CNTN4: variants seen among roughly 807,000 people sequenced by gnomAD.
CNTN4 encodes the protein contactin 4, also known as contactin-4.
In CNTN4, 77 loss-of-function variants were observed where a neutral mutation model predicts 122.5. The ratio of observed to expected loss-of-function variants is 0.63; its 90% CI spans 0.52 to 0.76. The LOEUF is 0.76. Among genes scored for constraint, CNTN4 ranks in the 30% least tolerant of loss-of-function variants. The probability of loss-of-function intolerance (pLI) is 0.00; values close to 1 mark genes in which losing one functional copy is unlikely to be tolerated. For missense variants in CNTN4, 1,256 were observed against 1,259.1 expected, an observed-to-expected ratio of 1.00 and a Z score of 0.04; for synonymous variants, 512 against 447.0, an observed-to-expected ratio of 1.15 and a Z score of -1.83.
rs768917769 is a variant in CNTN4, at chr3:2,571,512, G to T, written c.9G>T (p.Leu3Phe). 4 of 1,613,302 alleles carry T rather than the reference G, an allele frequency of 2.5e-6. No individual in the cohort carries two copies. The highest frequency in any genetic ancestry group is 3.4e-6 in the Non-Finnish European group (4 of 1,179,332). ...GACCTCGGAAACTGAAGATGAGGTT[G>T]CCATGGGAACTGCTGGTACTGCAAT... MRLPWELLVLQSF... is the reference protein window; with the variant it reads MRFPWELLVLQSF... Residue 3 changes from leucine to phenylalanine, a missense_variant, in exon 4 of 25, where the codon TTG becomes TTT. Leu to Phe is a conservative substitution (Grantham distance 22). Transcript: ENST00000418658.
chr3:2,842,723 C>T (rs2093385324), intron 7 of CNTN4, among the ~76,000 whole-genome samples: 1 of 152,212 alleles, frequency 6.6e-6, no homozygotes, highest in Non-Finnish European at 1.5e-5. Context: ...CAGTATTTGA[C>T]CTATCAGCAG....
At chr3:3,002,990 G>A (rs1020668533) in intron 14 of CNTN4, among the ~76,000 whole-genome samples, 3 of 152,140 alleles carry the variant, frequency 2.0e-5, no homozygotes, top group Non-Finnish European at 2.9e-5. Flanking sequence ...CATTGGACTC[G>A]GTTTGCCTCG....
Position 2,184,911 on chromosome 3 carries a change from C to T in CNTN4, c.-145+84272C>T, listed in dbSNP as rs575153825. 5.3e-4 allele frequency among the ~76,000 whole-genome samples: 81 copies of T among 152,138 alleles called. 1 individual carries two copies. The highest frequency in any genetic ancestry group is 1.3e-4 in the Non-Finnish European group (9 of 68,022). On this transcript the variant is annotated intron_variant, in intron 2 of 24. Coordinates refer to ENST00000418658, the MANE Select transcript of CNTN4 (RefSeq NM_175607.3). The stretch of plus-strand genomic sequence containing the variant: ...ATGGACAAAGATACTGGCCCTTCTG[C>T]AAAAATTCAGGTCCTCAAAATCTTT...
intron 2 of CNTN4, among the ~76,000 whole-genome samples, chr3:2,329,372 A>G (rs1323417613): frequency 1.3e-5 from 2 of 152,200 alleles, no homozygotes; most frequent in African/African-American, 2.4e-5. Context: ...CCTCCAGACC[A>G]TGTTTCCTTC....
intron 2 of CNTN4, among the ~76,000 whole-genome samples, chr3:2,159,278 C>A (rs958414402): frequency 1.3e-5 from 2 of 152,144 alleles, no homozygotes; most frequent in African/African-American, 4.8e-5. Context: ...TAATAAGCCC[C>A]AACATATCCC....
At chr3:2,793,282 T>G (rs1476414156) in intron 6 of CNTN4, among the ~76,000 whole-genome samples, 1 of 152,084 alleles carries the variant, frequency 6.6e-6, no homozygotes, top group Non-Finnish European at 1.5e-5. Context: ...AATCACCTTA[T>G]CTATTCATAA....
intron 5 of CNTN4, 72 bp from the exon 6 acceptor site, chr3:2,745,450 A>T: frequency 8.3e-7 from 1 of 1,211,858 alleles, no homozygotes; most frequent in Non-Finnish European, 1.2e-6. Flanking sequence ...TATAGTTTTT[A>T]TATATTTTAG....
At chr3:2,976,301 C>G (rs531802130) in intron 13 of CNTN4, among the ~76,000 whole-genome samples, 101 of 152,276 alleles carry the variant, frequency 6.6e-4, no homozygotes, top group Admixed American at 1.2e-3. Flanking sequence ...AAACCTGAAT[C>G]AAACCAGGTT....
chr3:2,958,755 C>T (rs911019910), intron 13 of CNTN4, among the ~76,000 whole-genome samples: 1 of 152,190 alleles, frequency 6.6e-6, no homozygotes, highest in African/African-American at 2.4e-5. Flanking sequence ...GAGGTTCTTA[C>T]GTAATAAGTA....
intron 3 of CNTN4, among the ~76,000 whole-genome samples, chr3:2,396,504 A>G (rs2046645878): frequency 6.6e-6 from 1 of 152,102 alleles, no homozygotes; most frequent in Non-Finnish European, 1.5e-5. Context: ...CACATTTTGT[A>G]CTTTGCTCTG....
intron 7 of CNTN4, among the ~76,000 whole-genome samples, chr3:2,842,540 T>C (rs1001764919): frequency 9.2e-5 from 14 of 152,182 alleles, no homozygotes; most frequent in African/African-American, 3.4e-4. Context: ...CTCCCACTGC[T>C]CAATTTCTAT....
chr3:2,148,703 G>A (rs547657783), intron 2 of CNTN4, among the ~76,000 whole-genome samples: 1 of 152,118 alleles, frequency 6.6e-6, no homozygotes, highest in Admixed American at 6.5e-5. Flanking sequence ...ATCAGATGAC[G>A]AAATTAAATG....
intron 13 of CNTN4, among the ~76,000 whole-genome samples, chr3:2,956,148 C>G (rs2094797265): frequency 1.3e-5 from 2 of 152,080 alleles, no homozygotes; most frequent in Non-Finnish European, 2.9e-5. Context: ...TATGGATGAA[C>G]CTTGAAAACA....
Position 2,571,169 on chromosome 3 carries a change from A to G in CNTN4, c.-88-247A>G, listed in dbSNP as rs369108984. Among the ~76,000 whole-genome samples the G allele has an allele frequency of 2.2e-4, 34 of 152,236 alleles. 1 individual carries two copies. The South Asian group carries it at 6.8e-3, about 31-fold the overall frequency. The stretch of plus-strand genomic sequence containing the variant: ...CAGGTTGGTTCATGCCTAATCAGAA[A>G]CTGTTCTTGTCTTCACTCAGAAGCC... On this transcript the variant is annotated intron_variant, in intron 3 of 24. Coordinates refer to ENST00000418658, the MANE Select transcript of CNTN4 (RefSeq NM_175607.3).
intron 2 of CNTN4, among the ~76,000 whole-genome samples, chr3:2,301,726 A>G (rs1371093372): frequency 6.6e-6 from 1 of 152,246 alleles, no homozygotes; most frequent in Non-Finnish European, 1.5e-5. Context: ...ACTGACTCAG[A>G]TGCCCACTCT....
At chr3:2,266,771 C>T (rs1394155783) in intron 2 of CNTN4, among the ~76,000 whole-genome samples, 1 of 152,096 alleles carries the variant, frequency 6.6e-6, no homozygotes, top group East Asian at 1.9e-4. Context: ...AGAAGGATCT[C>T]TGAAGAGTTC....
chr3:2,924,305 C>T lies in CNTN4; in HGVS notation c.1208-1324C>T, dbSNP rs527804411. On this transcript the variant is annotated intron_variant, in intron 12 of 24. Coordinates refer to ENST00000418658, the MANE Select transcript of CNTN4 (RefSeq NM_175607.3). Reference sequence around the variant, plus strand: ...TAGGAACTTTTAAGAAATTGGCCCCCATTACCCCCCAAGCCCCCGCATTCA... The same window carrying T: ...TAGGAACTTTTAAGAAATTGGCCCCTATTACCCCCCAAGCCCCCGCATTCA... Among the ~76,000 whole-genome samples, 19 of 152,084 alleles carry T rather than the reference C, an allele frequency of 1.2e-4. No individual in the cohort carries two copies. The East Asian group carries it at 3.7e-3, about 29-fold the overall frequency.
At chr3:2,581,027 A>G (rs1294925586) in intron 4 of CNTN4, among the ~76,000 whole-genome samples, 1 of 152,138 alleles carries the variant, frequency 6.6e-6, no homozygotes, top group Non-Finnish European at 1.5e-5. Context: ...CTTGTAAAAT[A>G]CTCTGAACCA....
chr3:3,052,043 C>T (rs1701322223), intron 23 of CNTN4, among the ~76,000 whole-genome samples: 1 of 152,186 alleles, frequency 6.6e-6, no homozygotes, highest in African/African-American at 2.4e-5. Context: ...AATTTGTGTT[C>T]TAACAAGTTC....
Sources: allele counts gnomAD v4.1 joint callset (sites outside exome capture counted in the v4.1 genomes callset), GRCh38; gene constraint gnomAD v4.1.1; transcripts MANE v1.5; gene names NCBI Gene and HGNC (gene_info 2026-07-23, HGNC 2026-07-21).